The following GPR83 variants were observed in gnomAD, a reference collection of about 807,000 sequenced individuals.
GPR83 encodes the protein G protein-coupled receptor 83.
GPR83 carries 23 observed loss-of-function variants against 28.0 expected under a neutral mutation model. That is an observed-to-expected ratio of 0.82 (90% confidence interval 0.59 to 1.16). The LOEUF is 1.16. Ranked by LOEUF, GPR83 falls within the 50% of genes most tolerant of loss-of-function variation. The pLI, the probability that GPR83 is intolerant of heterozygous loss-of-function variation, is 0.00. For missense variants in GPR83, 610 were observed against 536.6 expected (o/e 1.14, Z -1.35); for synonymous variants, 234 against 215.4 (o/e 1.09, Z -0.76).
chr11:94,398,079 C>A (rs191637473), intron 1 of GPR83, among the ~76,000 whole-genome samples: 167 of 152,244 alleles, frequency 1.1e-3, no homozygotes, highest in Middle Eastern at 6.8e-3. Context: ...ACTGTTCCCT[C>A]TTCTTCAGTC....
Position 94,393,532 on chromosome 11 carries a change from A to G in GPR83, c.600T>C (p.Phe200=). ...TCTGGCAGATAGCATGTGGGAGTGA[A>G]AAGAACGTAGCCATGGTCCAGATGA... is the stretch of plus-strand genomic sequence containing the variant. The part of the protein sequence containing the change: ...IAVIWTMATF[F]SLPHAICQKL... Residue 200 remains phenylalanine (F), a synonymous_variant, in exon 3 of 4, where the codon TTT becomes TTC. Coordinates refer to ENST00000243673, the MANE Select transcript of GPR83 (RefSeq NM_016540.4). 2 of 1,613,996 alleles carry G rather than the reference A, an allele frequency of 1.2e-6. No homozygotes were observed.
chr11:94,394,155 G>A (rs564053073), intron 2 of GPR83, among the ~76,000 whole-genome samples: 6 of 152,260 alleles, frequency 3.9e-5, no homozygotes, highest in South Asian at 2.1e-4. Flanking sequence ...GCAAGCCCAC[G>A]GTCAGCCCCC....
At chr11:94,386,922 T>C (rs535868530) in intron 3 of GPR83, among the ~76,000 whole-genome samples, 9 of 152,320 alleles carry the variant, frequency 5.9e-5, no homozygotes, top group African/African-American at 2.2e-4. Flanking sequence ...ACCACATAGT[T>C]GGAAGTAAAG....
chr11:94,379,869 G>A lies in GPR83; in HGVS notation c.*280C>T, dbSNP rs1944666549. On this transcript the variant is annotated 3_prime_UTR_variant, in exon 4 of 4. Transcript: ENST00000243673. ...AGTTGAATGATTCAGCCCCCATCTG[G>A]GCCAACGTTGTCCTCGCTCCTCTTC... 1 of 275,832 alleles carries A rather than the reference G, an allele frequency of 3.6e-6. No homozygotes were observed. The allele number at this position is 275,832 out of a possible 1,614,324, so 17.1% of individuals were successfully genotyped here. A position where few individuals can be genotyped will look rare whatever the true frequency, so the allele number is the denominator to read the frequency against.
At chr11:94,383,457 C>A (rs2134683796) in intron 3 of GPR83, among the ~76,000 whole-genome samples, 1 of 152,220 alleles carries the variant, frequency 6.6e-6, no homozygotes, top group South Asian at 2.1e-4. Flanking sequence ...AATTCAAAAG[C>A]TAGCAGAAGG....
chr11:94,389,707 T>C (rs1211747368), intron 3 of GPR83, among the ~76,000 whole-genome samples: 1 of 152,154 alleles, frequency 6.6e-6, no homozygotes, highest in Admixed American at 6.5e-5. Flanking sequence ...TAGGAATACT[T>C]TGACACTGTT....
At chr11:94,390,497 A>G (rs1294291975) in intron 3 of GPR83, among the ~76,000 whole-genome samples, 16 of 151,938 alleles carry the variant, frequency 1.1e-4, no homozygotes, top group Non-Finnish European at 2.2e-4. Context: ...AGAAAGAAAG[A>G]AAGGATATTC....
At chr11:94,386,966 T>C (rs1466852246) in intron 3 of GPR83, among the ~76,000 whole-genome samples, 3 of 152,070 alleles carry the variant, frequency 2.0e-5, no homozygotes, top group Non-Finnish European at 2.9e-5. Context: ...ACAGAAATTA[T>C]AACAAACTCT....
In GPR83 at chr11:94,397,577, C is replaced by T. The variant is rs79703144; in HGVS notation, c.388-1053G>A. ...CTGTGACCTTGGGCAAGGCATTGGGCCCTCTGAGCCCCACTTTCCTCATCT... is the reference window on the plus strand; with the variant it reads ...CTGTGACCTTGGGCAAGGCATTGGGTCCTCTGAGCCCCACTTTCCTCATCT... On this transcript the variant is annotated intron_variant, in intron 1 of 3. Transcript: ENST00000243673. 2.1e-3 allele frequency among the ~76,000 whole-genome samples: 318 copies of T among 152,316 alleles called. 6 individuals are homozygous for T. The East Asian group carries it at 0.051, about 25-fold the overall frequency.
At chr11:94,393,874 G>C (rs555039960) in intron 2 of GPR83, among the ~76,000 whole-genome samples, 1 of 152,214 alleles carries the variant, frequency 6.6e-6, no homozygotes, top group South Asian at 2.1e-4. Flanking sequence ...CATAAGGCAG[G>C]CCCTATTGAT....
chr11:94,401,155 C>A lies in GPR83; in HGVS notation c.93G>T (p.Ala31=), dbSNP rs745601784. 3 of 1,613,950 alleles carry A rather than the reference C, an allele frequency of 1.9e-6. No individual in the cohort carries two copies. In the African/African-American group the frequency reaches 4.0e-5, roughly 22 times the overall value. ...GCGAGGCATTGGGCACGGCCAGGGCCGCCTCCGCGCTCTGCTCGTCGGCCC... is the reference window on the plus strand; with the variant it reads ...GCGAGGCATTGGGCACGGCCAGGGCAGCCTCCGCGCTCTGCTCGTCGGCCC... ...EGRADEQSAE[A]ALAVPNASHF... is the part of the protein sequence containing the mutation. Residue 31 remains alanine (A), a synonymous_variant, in exon 1 of 4, where the codon GCG becomes GCT. Transcript: ENST00000243673.
intron 3 of GPR83, among the ~76,000 whole-genome samples, chr11:94,389,446 A>G (rs1944792835): frequency 6.6e-6 from 1 of 152,262 alleles, no homozygotes; most frequent in Non-Finnish European, 1.5e-5. Context: ...GCTGATATCC[A>G]GAATCTACAA....
rs539624213 is a variant in GPR83 at position 94,379,153 on chromosome 11, C to A, written c.*996G>T. The A allele has an allele frequency of 1.3e-5, 2 of 152,244 alleles. No homozygotes were observed. The highest frequency in any genetic ancestry group is 4.8e-5 in the African/African-American group (2 of 41,420). 9.4% of individuals were successfully genotyped at this position (152,244 alleles called of 1,614,324 possible). A position where few individuals can be genotyped will look rare whatever the true frequency, so the allele number is the denominator to read the frequency against. On this transcript the variant is annotated 3_prime_UTR_variant, in exon 4 of 4. Transcript: ENST00000243673. Reference sequence around the variant, plus strand: ...TTGGGAGGCCTAGGCAGGTGGATCACGAGGTCAGGAGATCGAGACCATCCT... The same window carrying A: ...TTGGGAGGCCTAGGCAGGTGGATCAAGAGGTCAGGAGATCGAGACCATCCT...
At chr11:94,389,753 T>A (rs1944796379) in intron 3 of GPR83, among the ~76,000 whole-genome samples, 1 of 152,166 alleles carries the variant, frequency 6.6e-6, no homozygotes, top group South Asian at 2.1e-4. Context: ...ACTGTGGAAG[T>A]CAGTGTGGCG....
intron 1 of GPR83, among the ~76,000 whole-genome samples, chr11:94,397,137 A>T (rs1944873955): frequency 6.6e-6 from 1 of 152,196 alleles, no homozygotes; most frequent in Admixed American, 6.5e-5. Flanking sequence ...CTTGCAAGTC[A>T]TCATCTGGGG....
rs766938799 is a variant in GPR83 at position 94,396,498 on chromosome 11, T to C, written c.414A>G (p.Ile138Met). 1.2e-6 allele frequency: 2 copies of C among 1,613,904 alleles called. No individual in the cohort carries two copies. Among genetic ancestry groups the C allele is most frequent in the Non-Finnish European group, 1.7e-6 (2 of 1,179,940 alleles). Residue 138 changes from isoleucine to methionine, a missense_variant, in exon 2 of 4, where the codon ATA becomes ATG. Physicochemically the swap from Ile to Met is conservative, Grantham distance 10. Transcript: ENST00000243673. ...TGACATGGCACATGCCCTTCCCAAA[T>C]ATCCATGTGCTGTTCACAAAGCGAA... Reference protein sequence around the residue: ...TLVRFVNSTWIFGKGMCHVSR... With the variant: ...TLVRFVNSTWMFGKGMCHVSR...
chr11:94,381,508 G>A lies in GPR83; in HGVS notation c.648-735C>T, dbSNP rs1186033650. Among the ~76,000 whole-genome samples, 6 of 151,856 alleles carry A rather than the reference G, an allele frequency of 4.0e-5. No individual in the cohort carries two copies. The East Asian group carries it at 9.7e-4, about 24-fold the overall frequency. ...GGCCTTTATAAGTTAGTTGAAATCT[G>A]CCTTCCGAGCCTGTTTCTCTTGACC... On this transcript the variant is annotated intron_variant, in intron 3 of 3. Transcript: ENST00000243673.
At chr11:94,386,662 C>T (rs893867863) in intron 3 of GPR83, among the ~76,000 whole-genome samples, 13 of 152,138 alleles carry the variant, frequency 8.5e-5, no homozygotes, top group Non-Finnish European at 1.5e-5. Flanking sequence ...TACAGGAGCA[C>T]CCAGATTCAT....
chr11:94,381,656 C>A (rs918681136), intron 3 of GPR83, among the ~76,000 whole-genome samples: 2 of 151,786 alleles, frequency 1.3e-5, no homozygotes, highest in African/African-American at 4.8e-5. Flanking sequence ...GGAGAACCAA[C>A]CCCCCAGGAA....
Sources: allele counts gnomAD v4.1 joint callset (sites outside exome capture counted in the v4.1 genomes callset), GRCh38; gene constraint gnomAD v4.1.1; transcripts MANE v1.5; gene names NCBI Gene and HGNC (gene_info 2026-07-23, HGNC 2026-07-21).